The following FANCI variants were observed in gnomAD, a reference collection of about 807,000 sequenced individuals.
FANCI encodes the protein Fanconi anemia group I protein.
Under a neutral mutation model 176.1 loss-of-function variants are expected in FANCI, and 156 were observed. The ratio of observed to expected loss-of-function variants is 0.89; its 90% CI spans 0.78 to 1.01. The LOEUF (loss-of-function observed/expected upper bound fraction) is 1.01. FANCI is among the 50% of genes least tolerant of loss of function. FANCI has a pLI of 0.00. For missense variants in FANCI, 1,678 were observed against 1,534.1 expected, an observed-to-expected ratio of 1.09 and a Z score of -1.57; for synonymous variants, 613 against 541.7, an observed-to-expected ratio of 1.13 and a Z score of -1.83.
chr15:89,258,637 T>C, intron 2 of FANCI, 67 bp from the exon 3 acceptor site: 1 of 1,156,806 alleles, frequency 8.6e-7, no homozygotes. Flanking sequence ...CTTTTTCATA[T>C]TGAGTGTTTA....
intron 18 of FANCI, among the ~76,000 whole-genome samples, chr15:89,285,732 C>CT (rs71149290): frequency 0.33 from 49,249 of 151,462 alleles, 8,795 homozygotes; most frequent in South Asian, 0.4. Flanking sequence ...AGACTAAGTC[C>CT]TTTTTTTTGC....
At chr15:89,244,740 C>T (rs1567132600) in intron 1 of FANCI, among the ~76,000 whole-genome samples, 1 of 152,224 alleles carries the variant, frequency 6.6e-6, no homozygotes, top group East Asian at 1.9e-4. Context: ...ACTTCTCTCT[C>T]TGCCACTTGG....
intron 2 of FANCI, among the ~76,000 whole-genome samples, chr15:89,253,536 TAAATAAA>T (rs1024685454): frequency 2.2e-4 from 29 of 131,896 alleles, no homozygotes; most frequent in African/African-American, 1.2e-3. Flanking sequence ...AATAAATAAA[TAAATAAA>T]TAAGTATATG....
In FANCI at chr15:89,278,748, C is replaced by G; in HGVS notation, c.1355C>G (p.Ala452Gly). Residue 452 changes from alanine to glycine, a missense_variant, in exon 14 of 38, where the codon GCA (alanine) becomes GGA (glycine). This residue lies in a region of FANCI where 1,204 missense variants were observed against 1,077.4 expected (regional missense o/e 1.12). Coordinates refer to ENST00000310775, the MANE Select transcript of FANCI (RefSeq NM_001113378.2). ...EQVLNRVVTRASSPISHFLDL... is the reference protein window; with the variant it reads ...EQVLNRVVTRGSSPISHFLDL... Reference sequence around the variant, plus strand: ...GTCCTCAACAGGGTTGTTACCAGAGCATCTTCTCCCATCAGTCATTTCTTA... The same window carrying G: ...GTCCTCAACAGGGTTGTTACCAGAGGATCTTCTCCCATCAGTCATTTCTTA... 2 of 1,613,522 alleles carry G rather than the reference C, an allele frequency of 1.2e-6. No homozygotes were observed. Among genetic ancestry groups the G allele is most frequent in the Non-Finnish European group, 1.7e-6 (2 of 1,179,494 alleles).
At chr15:89,302,851 G>T (rs2054577311) in intron 27 of FANCI, among the ~76,000 whole-genome samples, 1 of 152,148 alleles carries the variant, frequency 6.6e-6, no homozygotes, top group Admixed American at 6.5e-5. Flanking sequence ...GGGATTACAG[G>T]TGTGAGCCAC....
At chr15:89,282,852 G>C (rs2053667830) in intron 16 of FANCI, 1 of 413,066 alleles carries the variant, frequency 2.4e-6, no homozygotes, top group African/African-American at 2.0e-5. Flanking sequence ...CAATTTTACA[G>C]TCTCTCAGCA....
intron 27 of FANCI, among the ~76,000 whole-genome samples, chr15:89,301,921 C>T (rs2054537384): frequency 6.6e-6 from 1 of 152,158 alleles, no homozygotes. Context: ...TAACTATAGT[C>T]CCAAAGCAGA....
intron 10 of FANCI, among the ~76,000 whole-genome samples, chr15:89,269,843 CTG>C (rs1046393504): frequency 1.6e-4 from 24 of 151,538 alleles, no homozygotes; most frequent in Admixed American, 1.3e-3. Flanking sequence ...CAGAGTCTCA[CTG>C]TGTCACCCAA....
intron 34 of FANCI, chr15:89,308,269 C>T (rs2054805604): frequency 1.4e-6 from 1 of 709,372 alleles, no homozygotes; most frequent in African/African-American, 1.9e-5. Flanking sequence ...CTGGCCTCCA[C>T]CTACCAGATG....
intron 1 of FANCI, chr15:89,245,324 A>G (rs901144080): frequency 7.9e-6 from 1 of 127,130 alleles, no homozygotes; most frequent in African/African-American, 2.9e-5. Flanking sequence ...GCGTGCCGTC[A>G]CGCCCAGCTA....
chr15:89,251,529 T>C (rs1018323622), intron 2 of FANCI, among the ~76,000 whole-genome samples: 9 of 152,184 alleles, frequency 5.9e-5, no homozygotes, highest in Admixed American at 1.3e-4. Flanking sequence ...TTATCAGGTA[T>C]AACCTTAAAC....
rs776908468 is a variant in FANCI, at chr15:89,316,444, G to A, written c.3972G>A (p.Lys1324=). 1 of 1,611,048 alleles carries A rather than the reference G, an allele frequency of 6.2e-7. No individual in the cohort carries two copies. Among genetic ancestry groups the A allele is most frequent in the Non-Finnish European group, 8.5e-7 (1 of 1,178,170 alleles). ...HGGQNKEPAK[K]KRKK is the part of the protein sequence containing the mutation. Reference sequence around the variant, plus strand: ...GACAGAACAAAGAACCAGCCAAGAAGAAAAGGAAAAAATAAATGAAATGCC... The same window carrying A: ...GACAGAACAAAGAACCAGCCAAGAAAAAAAGGAAAAAATAAATGAAATGCC... The change falls in exon 38 of 38, where the codon AAG becomes AAA. Residue 1324 remains lysine (K), a synonymous_variant. Transcript: ENST00000310775.
intron 7 of FANCI, 150 bp downstream of exon 7, chr15:89,263,610 CCTCA>C (rs1850960453): frequency 2.5e-6 from 2 of 813,150 alleles, no homozygotes; most frequent in Admixed American, 4.4e-5. Context: ...CAGATTCCCT[CCTCA>C]CTCCTGCCTC....
chr15:89,270,392 G>C (rs2159080), intron 10 of FANCI, among the ~76,000 whole-genome samples: 1 of 151,980 alleles, frequency 6.6e-6, no homozygotes, highest in African/African-American at 2.4e-5. Flanking sequence ...ATCATAGTTC[G>C]AGATAGTATT....
chr15:89,264,066 T>G, intron 8 of FANCI, 40 bp downstream of exon 8: 1 of 1,610,652 alleles, frequency 6.2e-7, no homozygotes, highest in South Asian at 1.1e-5. Context: ...TCTGGTGGTA[T>G]GACCAGTTAT....
intron 34 of FANCI, chr15:89,308,254 C>A: frequency 2.4e-6 from 2 of 838,200 alleles, no homozygotes; most frequent in Non-Finnish European, 2.9e-6. Flanking sequence ...TGTTGAGTAG[C>A]ATCCCTGGCC....
chr15:89,314,221 G>A (rs575391358), intron 35 of FANCI, among the ~76,000 whole-genome samples: 6 of 152,182 alleles, frequency 3.9e-5, no homozygotes, highest in East Asian at 3.9e-4. Context: ...TACAATTCAC[G>A]TTAGGGGGAA....
Position 89,293,822 on chromosome 15 carries a change from G to C in FANCI, c.2292-11G>C, listed in dbSNP as rs763570868. The C allele has an allele frequency of 8.1e-6, 13 of 1,611,928 alleles. No homozygotes were observed. In the African/African-American group the frequency reaches 1.6e-4, roughly 20 times the overall value. ...GTTTGTCCTTAGCGGTCTCTTTTTTGTTTTTTACAGTAAGAATAGGTTTGA... is the reference window on the plus strand; with the variant it reads ...GTTTGTCCTTAGCGGTCTCTTTTTTCTTTTTTACAGTAAGAATAGGTTTGA... On this transcript the variant is annotated splice_polypyrimidine_tract_variant and intron_variant, in intron 22 of 37. Coordinates refer to ENST00000310775, the MANE Select transcript of FANCI (RefSeq NM_001113378.2).
In FANCI at chr15:89,301,184, T is replaced by G. The variant is rs952240667; in HGVS notation, c.2890-142T>G. ...GAAACTACTGCTCAATTCAGGTGTA[T>G]TTTCAGATTTTATCCTCTTAGAATT... On this transcript the variant is annotated intron_variant, in intron 26 of 37. Coordinates refer to ENST00000310775, the MANE Select transcript of FANCI (RefSeq NM_001113378.2). The G allele has an allele frequency of 2.3e-5, 17 of 734,564 alleles. No homozygotes were observed. In the Admixed American group the frequency reaches 3.2e-4, roughly 14 times the overall value. 45.5% of individuals were successfully genotyped at this position (734,564 alleles called of 1,614,324 possible).
Sources: allele counts gnomAD v4.1 joint callset (sites outside exome capture counted in the v4.1 genomes callset), GRCh38; gene constraint gnomAD v4.1.1; regional missense constraint gnomAD v4.1.1; transcripts MANE v1.5; gene names NCBI Gene and HGNC (gene_info 2026-07-23, HGNC 2026-07-21).